ASIC2: variants seen among roughly 807,000 people sequenced by gnomAD.
The protein encoded by ASIC2 is acid-sensing ion channel 2.
Under a neutral mutation model 57.3 loss-of-function variants are expected in ASIC2, and 25 were observed. The observed-to-expected ratio is 0.44, with a 90% confidence interval of 0.32 to 0.61. ASIC2 has a LOEUF of 0.61. ASIC2 is among the 20% of genes least tolerant of loss of function. ASIC2 has a pLI of 0.06. For missense variants in ASIC2, 641 were observed against 738.1 expected (o/e 0.87, Z 1.52); for synonymous variants, 319 against 307.5 (o/e 1.04, Z -0.39).
chr17:33,253,067 T>C (rs1449295946), intron 1 of ASIC2, among the ~76,000 whole-genome samples: 1 of 152,254 alleles, frequency 6.6e-6, no homozygotes, highest in Non-Finnish European at 1.5e-5. Flanking sequence ...TGTTAATGCC[T>C]TTGTTTGCTA....
intron 1 of ASIC2, chr17:33,793,338 G>A (rs1450507394): frequency 6.6e-6 from 1 of 152,206 alleles, no homozygotes; most frequent in Non-Finnish European, 1.5e-5. Flanking sequence ...TCACAATAAT[G>A]CAATGAGCTG....
intron 1 of ASIC2, among the ~76,000 whole-genome samples, chr17:33,216,982 G>C (rs1015435384): frequency 1.3e-5 from 2 of 152,212 alleles, no homozygotes; most frequent in African/African-American, 4.8e-5. Context: ...AGTAGCTACA[G>C]GTCTTGAAAA....
chr17:33,369,091 G>A (rs1313463388), intron 1 of ASIC2, among the ~76,000 whole-genome samples: 1 of 152,106 alleles, frequency 6.6e-6, no homozygotes, highest in Admixed American at 6.5e-5. Flanking sequence ...AAAACAATGG[G>A]AGCAAATGCA....
chr17:33,138,012 T>A (rs2092372877), intron 1 of ASIC2, among the ~76,000 whole-genome samples: 2 of 152,266 alleles, frequency 1.3e-5, no homozygotes, highest in Middle Eastern at 6.8e-3. Context: ...AAAACATCTG[T>A]CACTTGATGT....
intron 1 of ASIC2, among the ~76,000 whole-genome samples, chr17:33,602,472 C>G (rs1018882374): frequency 6.6e-6 from 1 of 152,206 alleles, no homozygotes; most frequent in Non-Finnish European, 1.5e-5. Context: ...TATGACACAG[C>G]AAGAAGGCCC....
chr17:33,833,200 G>T (rs897350623), intron 1 of ASIC2, among the ~76,000 whole-genome samples: 13 of 152,120 alleles, frequency 8.5e-5, no homozygotes, highest in Non-Finnish European at 1.6e-4. Flanking sequence ...TTATGGAGGG[G>T]CAATAGGCAA....
chr17:34,077,160 C>T (rs1909698196), intron 1 of ASIC2, among the ~76,000 whole-genome samples: 1 of 152,172 alleles, frequency 6.6e-6, no homozygotes, highest in African/African-American at 2.4e-5. Flanking sequence ...ACCGGTATTA[C>T]CCACAGAGCC....
rs1465804678 is a variant in ASIC2 at position 33,367,353 on chromosome 17, C to G, written c.556-255286G>C. Among the ~76,000 whole-genome samples, 5 of 152,134 alleles carry G rather than the reference C, an allele frequency of 3.3e-5. No individual in the cohort carries two copies. In the East Asian group the frequency reaches 9.6e-4, roughly 29 times the overall value. ...CTCTGGTGTAGGGAAGACAATTGCT[C>G]AAGTGCTGGTGGCACTAACCCTCTG... On this transcript the variant is annotated intron_variant, in intron 1 of 9. Coordinates refer to the ASIC2 transcript ENST00000359872.
At chr17:33,347,545 G>A (rs1370998807) in intron 1 of ASIC2, among the ~76,000 whole-genome samples, 2 of 152,194 alleles carry the variant, frequency 1.3e-5, no homozygotes, top group African/African-American at 4.8e-5. Flanking sequence ...TTGGTAGAGA[G>A]TGGGTGTTAG....
intron 1 of ASIC2, among the ~76,000 whole-genome samples, chr17:33,423,449 G>T (rs552618138): frequency 5.9e-5 from 9 of 152,168 alleles, no homozygotes; most frequent in Admixed American, 4.6e-4. Context: ...TGTCATAAGG[G>T]TGACATGCTA....
intron 1 of ASIC2, among the ~76,000 whole-genome samples, chr17:33,436,758 C>A (rs185760717): frequency 1.3e-5 from 2 of 149,430 alleles, no homozygotes; most frequent in Non-Finnish European, 3.0e-5. Flanking sequence ...ATTTTCTGTA[C>A]GAGGGTGATA....
intron 1 of ASIC2, among the ~76,000 whole-genome samples, chr17:33,838,438 A>C (rs1913335398): frequency 6.6e-6 from 1 of 152,190 alleles, no homozygotes; most frequent in Non-Finnish European, 1.5e-5. Flanking sequence ...CTAGTCATTC[A>C]GTACAATCCT....
At chr17:33,578,023 G>A (rs920507282) in intron 1 of ASIC2, among the ~76,000 whole-genome samples, 9 of 152,096 alleles carry the variant, frequency 5.9e-5, no homozygotes, top group African/African-American at 1.9e-4. Flanking sequence ...TGCACACAGC[G>A]AGGACTCAAG....
At chr17:34,098,348 A>T (rs946258353) in intron 1 of ASIC2, among the ~76,000 whole-genome samples, 3 of 152,214 alleles carry the variant, frequency 2.0e-5, no homozygotes, top group African/African-American at 7.2e-5. Context: ...ACCACAGTTC[A>T]GACATCAAAA....
chr17:33,770,724 C>T (rs1291446139), intron 1 of ASIC2, among the ~76,000 whole-genome samples: 1 of 152,200 alleles, frequency 6.6e-6, no homozygotes, highest in Non-Finnish European at 1.5e-5. Flanking sequence ...AGCTTTATCG[C>T]TCTCCTTGGT....
intron 1 of ASIC2, among the ~76,000 whole-genome samples, chr17:33,669,533 T>C (rs1268313744): frequency 6.6e-6 from 1 of 152,220 alleles, no homozygotes; most frequent in Non-Finnish European, 1.5e-5. Context: ...GCATGTTTAC[T>C]GTTCATCACA....
chr17:34,140,857 C>G (rs751561341), intron 1 of ASIC2, among the ~76,000 whole-genome samples: 25 of 152,078 alleles, frequency 1.6e-4, no homozygotes, highest in Non-Finnish European at 2.9e-4. Context: ...TGGCAAGGTT[C>G]ATTGTAATAA....
At chr17:33,178,744 G>A (rs1905861508) in intron 1 of ASIC2, among the ~76,000 whole-genome samples, 1 of 152,204 alleles carries the variant, frequency 6.6e-6, no homozygotes, top group Non-Finnish European at 1.5e-5. Context: ...CCTTTTTGAA[G>A]AGGACAGCCC....
intron 1 of ASIC2, among the ~76,000 whole-genome samples, chr17:33,849,314 G>T (rs1251592169): frequency 6.6e-6 from 1 of 152,146 alleles, no homozygotes; most frequent in Non-Finnish European, 1.5e-5. Flanking sequence ...GCAGACACTG[G>T]CTGGGGACTA....
Sources: allele counts gnomAD v4.1 joint callset (sites outside exome capture counted in the v4.1 genomes callset), GRCh38; gene constraint gnomAD v4.1.1; transcripts MANE v1.5; gene names NCBI Gene and HGNC (gene_info 2026-07-23, HGNC 2026-07-21).